Variants in RANBP17 observed in about 807,000 individuals in gnomAD.
RANBP17 encodes ran-binding protein 17.
Under a neutral mutation model 141.2 loss-of-function variants are expected in RANBP17, and 158 were observed. The observed-to-expected ratio is 1.12, with a 90% CI of 0.98 to 1.28. The LOEUF (loss-of-function observed/expected upper bound fraction) is 1.28, where lower values mean the gene tolerates loss of function less well. Among genes scored for constraint, RANBP17 ranks in the 50% most tolerant of loss-of-function variants. The pLI is 0.00. For missense variants in RANBP17, 1,438 were observed against 1,290.7 expected (o/e 1.11, Z -1.75); for synonymous variants, 430 against 450.0 (o/e 0.96, Z 0.56).
chr5:171,078,402 T>C (rs1785069534), intron 14 of RANBP17, among the ~76,000 whole-genome samples: 3 of 152,186 alleles, frequency 2.0e-5, no homozygotes, highest in Admixed American at 6.5e-5. Context: ...GTAATCCACC[T>C]GCCTTGGCCT....
chr5:170,948,737 C>T (rs1243299510), intron 12 of RANBP17, among the ~76,000 whole-genome samples: 1 of 151,958 alleles, frequency 6.6e-6, no homozygotes, highest in African/African-American at 2.4e-5. Flanking sequence ...TCCATGGGAC[C>T]CAAAATAGCC....
At chr5:171,053,574 C>T (rs1301740262) in intron 14 of RANBP17, among the ~76,000 whole-genome samples, 2 of 151,808 alleles carry the variant, frequency 1.3e-5, no homozygotes, top group African/African-American at 2.4e-5. Context: ...GATCATGTTC[C>T]CTGCAACTTT....
At chr5:171,283,616 A>C (rs1197391306) in intron 25 of RANBP17, among the ~76,000 whole-genome samples, 1 of 152,244 alleles carries the variant, frequency 6.6e-6, no homozygotes, top group African/African-American at 2.4e-5. Context: ...TGAATTGTCC[A>C]CAAGAATAAT....
At chr5:171,165,152 C>G (rs1243115328) in intron 14 of RANBP17, among the ~76,000 whole-genome samples, 1 of 152,048 alleles carries the variant, frequency 6.6e-6, no homozygotes, top group Non-Finnish European at 1.5e-5. Context: ...ATCATTTAAT[C>G]TAATCAAAAG....
chr5:170,887,621 T>C (rs531300001), intron 3 of RANBP17, among the ~76,000 whole-genome samples: 17 of 149,958 alleles, frequency 1.1e-4, no homozygotes, highest in African/African-American at 4.1e-4. Context: ...TGACTGTATT[T>C]ATATGGGTCT....
intron 14 of RANBP17, among the ~76,000 whole-genome samples, chr5:171,169,595 C>T (rs1020007870): frequency 4.6e-5 from 7 of 152,098 alleles, no homozygotes; most frequent in South Asian, 2.1e-4. Context: ...AAAAGTAAGA[C>T]GTACCTGTAT....
chr5:170,955,353 T>G (rs1387350716), intron 13 of RANBP17, among the ~76,000 whole-genome samples: 1 of 151,042 alleles, frequency 6.6e-6, no homozygotes, highest in Non-Finnish European at 1.5e-5. Context: ...ACTCCTAGCT[T>G]TGCCATTTTT....
intron 14 of RANBP17, among the ~76,000 whole-genome samples, chr5:170,984,972 C>A (rs1027031051): frequency 6.6e-6 from 1 of 151,882 alleles, no homozygotes; most frequent in African/African-American, 2.4e-5. Flanking sequence ...AATACAGACA[C>A]ACACACAAAG....
intron 15 of RANBP17, 63 bp from the exon 16 acceptor site, chr5:171,171,143 C>A (rs773501886): frequency 2.1e-5 from 18 of 861,328 alleles, no homozygotes; most frequent in Non-Finnish European, 3.1e-5. Context: ...TATGTGTATT[C>A]TCTGGTTCTC....
chr5:170,902,434 A>G (rs1385751537), intron 5 of RANBP17, among the ~76,000 whole-genome samples: 1 of 152,062 alleles, frequency 6.6e-6, no homozygotes, highest in African/African-American at 2.4e-5. Context: ...ACCTTATTTC[A>G]AGGTTCTTAG....
chr5:170,898,359 C>G (rs1252899821), intron 5 of RANBP17, among the ~76,000 whole-genome samples: 1 of 152,072 alleles, frequency 6.6e-6, no homozygotes, highest in Non-Finnish European at 1.5e-5. Flanking sequence ...ATATCCTTTG[C>G]CCACTTTGTG....
At chr5:171,196,293 T>G (rs543995274) in intron 18 of RANBP17, among the ~76,000 whole-genome samples, 6 of 152,094 alleles carry the variant, frequency 3.9e-5, no homozygotes, top group East Asian at 3.9e-4. Flanking sequence ...TATTTGCTCC[T>G]TGACTTCTCC....
At chr5:170,939,511 A>C (rs1260531657) in intron 12 of RANBP17, among the ~76,000 whole-genome samples, 4 of 151,960 alleles carry the variant, frequency 2.6e-5, no homozygotes, top group Non-Finnish European at 4.4e-5. Context: ...CAGCCTCCAG[A>C]GTAGCTGGGA....
intron 12 of RANBP17, among the ~76,000 whole-genome samples, chr5:170,935,501 C>T (rs1052748204): frequency 2.0e-5 from 3 of 152,114 alleles, no homozygotes; most frequent in Non-Finnish European, 4.4e-5. Context: ...TGTGGATGTC[C>T]TTTCTGTTTG....
rs867723786 is a variant in RANBP17, at chr5:171,018,196, C to T, written c.1710+49819C>T. 1.1e-4 allele frequency among the ~76,000 whole-genome samples: 17 copies of T among 152,196 alleles called. 1 individual carries two copies. In the South Asian group the frequency reaches 3.5e-3, roughly 32 times the overall value. ...TTTGAAGTCAGGTCGTGTGATGCCT[C>T]CAGCTTTGTTCTTTTTGCTTAAGAT... is the stretch of plus-strand genomic sequence containing the variant. On this transcript the variant is annotated intron_variant, in intron 14 of 27. Transcript: ENST00000523189.
intron 14 of RANBP17, among the ~76,000 whole-genome samples, chr5:171,035,998 T>G (rs984568767): frequency 6.6e-6 from 1 of 152,122 alleles, no homozygotes; most frequent in African/African-American, 2.4e-5. Context: ...TCTTAAGCAG[T>G]TCTTGTGCCT....
chr5:171,186,439 C>G lies in RANBP17; in HGVS notation c.2038+3009C>G, dbSNP rs140337079. Among the ~76,000 whole-genome samples the G allele has an allele frequency of 3.4e-4, 52 of 151,928 alleles. 1 individual carries two copies. The East Asian group carries it at 0.01, about 29-fold the overall frequency. On this transcript the variant is annotated intron_variant, in intron 18 of 27. Transcript: ENST00000523189. ...CTTCCAACTTTTCTTCTGCAACTTC[C>G]TCACCTCTCAGCTTTCATAGAATAG... is the stretch of plus-strand genomic sequence containing the variant.
At chr5:171,156,563 A>C (rs1758914420) in intron 14 of RANBP17, among the ~76,000 whole-genome samples, 1 of 152,032 alleles carries the variant, frequency 6.6e-6, no homozygotes, top group African/African-American at 2.4e-5. Flanking sequence ...ACAATTTGCC[A>C]AGATGGTTAA....
chr5:171,091,419 A>C (rs554426729), intron 14 of RANBP17, among the ~76,000 whole-genome samples: 1 of 152,244 alleles, frequency 6.6e-6, no homozygotes, highest in South Asian at 2.1e-4. Flanking sequence ...CTTGCTTTTG[A>C]TTTTACAGGC....
Sources: gnomAD v4.1 joint callset for allele counts (sites outside exome capture counted in the v4.1 genomes callset) on GRCh38, gnomAD v4.1.1 for gene constraint, MANE v1.5 for transcripts, NCBI Gene and HGNC (gene_info 2026-07-23, HGNC 2026-07-21) for gene names.